The following LRRC4C variants were observed in gnomAD, a reference collection of about 807,000 sequenced individuals.
LRRC4C encodes leucine-rich repeat-containing protein 4C.
LRRC4C carries 5 observed loss-of-function variants against 33.6 expected under a neutral mutation model. That is an observed-to-expected ratio of 0.15 (90% CI 0.08 to 0.31). The LOEUF (loss-of-function observed/expected upper bound fraction) is 0.31. Ranked by LOEUF, LRRC4C falls within the 10% of genes least tolerant of loss-of-function variation. The pLI, the probability that LRRC4C is intolerant of heterozygous loss-of-function variation, is 1.00. For synonymous variants in LRRC4C, 329 were observed against 302.0 expected (o/e 1.09, Z -0.93); for missense variants, 560 against 796.7 (o/e 0.70, Z 3.58).
chr11:40,154,053 A>G (rs1858451294), intron 5 of LRRC4C, among the ~76,000 whole-genome samples: 1 of 152,120 alleles, frequency 6.6e-6, no homozygotes, highest in African/African-American at 2.4e-5. Flanking sequence ...GTAACCTATA[A>G]AGGAAAATCT....
chr11:40,197,424 C>T lies in LRRC4C; in HGVS notation c.-96+44095G>A, dbSNP rs113575766. On this transcript the variant is annotated intron_variant, in intron 5 of 6. Transcript: ENST00000528697. ...GCTGCACATATTAATCTTATTAAAA[C>T]GGTGATTGCATTATATCCTTTTCTT... 9.2e-4 allele frequency among the ~76,000 whole-genome samples: 140 copies of T among 152,282 alleles called. 1 individual carries two copies. The highest frequency in any genetic ancestry group is 3.2e-3 in the African/African-American group (134 of 41,554).
At chr11:41,042,244 G>T (rs1857486011) in intron 1 of LRRC4C, among the ~76,000 whole-genome samples, 1 of 152,224 alleles carries the variant, frequency 6.6e-6, no homozygotes, top group South Asian at 2.1e-4. Context: ...CAATGTTCTT[G>T]TAATCCAATA....
chr11:41,079,566 C>A (rs540110856), intron 1 of LRRC4C, among the ~76,000 whole-genome samples: 7 of 152,080 alleles, frequency 4.6e-5, no homozygotes, highest in Non-Finnish European at 8.8e-5. Context: ...TTCGTAAGTT[C>A]AGAGAAAAGA....
intron 1 of LRRC4C, among the ~76,000 whole-genome samples, chr11:41,413,686 C>T (rs911588420): frequency 6.6e-6 from 1 of 152,090 alleles, no homozygotes; most frequent in Non-Finnish European, 1.5e-5. Context: ...TAACACTGGT[C>T]CAGAAATAAA....
At chr11:40,789,067 T>C (rs1482341148) in intron 2 of LRRC4C, among the ~76,000 whole-genome samples, 1 of 118,250 alleles carries the variant, frequency 8.5e-6, no homozygotes, top group Admixed American at 1.3e-4. Context: ...CGCTCCAGCC[T>C]GGGTGAGAGC....
At chr11:41,352,781 A>G (rs538818609) in intron 1 of LRRC4C, among the ~76,000 whole-genome samples, 13 of 152,316 alleles carry the variant, frequency 8.5e-5, no homozygotes, top group Non-Finnish European at 1.8e-4. Context: ...TTTTGAGTAA[A>G]TAATGAAATT....
chr11:40,268,323 G>C (rs999067107), intron 4 of LRRC4C, among the ~76,000 whole-genome samples: 5 of 152,092 alleles, frequency 3.3e-5, no homozygotes, highest in African/African-American at 1.2e-4. Context: ...AGATACAAGA[G>C]GGTCCTAAGA....
At chr11:40,267,795 G>A (rs936022615) in intron 4 of LRRC4C, among the ~76,000 whole-genome samples, 1 of 152,182 alleles carries the variant, frequency 6.6e-6, no homozygotes, top group African/African-American at 2.4e-5. Context: ...GGGCCTGTAA[G>A]CTGAAAAGAA....
At chr11:41,096,079 T>C (rs1940791624) in intron 1 of LRRC4C, among the ~76,000 whole-genome samples, 1 of 152,098 alleles carries the variant, frequency 6.6e-6, no homozygotes, top group African/African-American at 2.4e-5. Context: ...AAAAATAAGA[T>C]ATAGTATTAA....
intron 1 of LRRC4C, among the ~76,000 whole-genome samples, chr11:40,940,814 A>G (rs549534273): frequency 6.6e-6 from 1 of 152,222 alleles, no homozygotes; most frequent in African/African-American, 2.4e-5. Flanking sequence ...GTTCATATCC[A>G]GTTACTAATT....
chr11:40,633,895 A>C (rs932831280), intron 3 of LRRC4C, among the ~76,000 whole-genome samples: 4 of 152,214 alleles, frequency 2.6e-5, no homozygotes, highest in Admixed American at 2.6e-4. Context: ...ATAAAAATGA[A>C]ATACATATAT....
chr11:41,206,490 A>G (rs1287348516), intron 1 of LRRC4C, among the ~76,000 whole-genome samples: 1 of 152,220 alleles, frequency 6.6e-6, no homozygotes, highest in Non-Finnish European at 1.5e-5. Context: ...GCTCAAAAAA[A>G]TCACCTTGAA....
At chr11:41,211,888 T>A (rs1195335278) in intron 1 of LRRC4C, among the ~76,000 whole-genome samples, 1 of 152,192 alleles carries the variant, frequency 6.6e-6, no homozygotes, top group Non-Finnish European at 1.5e-5. Flanking sequence ...TAGTTCTAGA[T>A]CCCTGAGGAA....
At chr11:41,029,474 T>G (rs1241482167) in intron 1 of LRRC4C, among the ~76,000 whole-genome samples, 2 of 151,798 alleles carry the variant, frequency 1.3e-5, no homozygotes, top group African/African-American at 4.8e-5. Context: ...CATTTTTAGT[T>G]TTAACTTTCT....
At chr11:41,098,014 C>G (rs1940925815) in intron 1 of LRRC4C, among the ~76,000 whole-genome samples, 1 of 152,124 alleles carries the variant, frequency 6.6e-6, no homozygotes, top group African/African-American at 2.4e-5. Flanking sequence ...AATTCCTTCC[C>G]TGTGATCAGC....
chr11:40,878,794 T>C (rs1237040046), intron 2 of LRRC4C, among the ~76,000 whole-genome samples: 2 of 152,226 alleles, frequency 1.3e-5, no homozygotes, highest in African/African-American at 4.8e-5. Flanking sequence ...TCTCTGCCTT[T>C]GGTTTTGAGG....
intron 3 of LRRC4C, among the ~76,000 whole-genome samples, chr11:40,438,182 G>T (rs1951225329): frequency 6.6e-6 from 1 of 152,144 alleles, no homozygotes; most frequent in Non-Finnish European, 1.5e-5. Context: ...CCCACTGCGG[G>T]CCCTTGCACT....
At chr11:40,965,856 T>C (rs1243069166) in intron 1 of LRRC4C, among the ~76,000 whole-genome samples, 3 of 152,092 alleles carry the variant, frequency 2.0e-5, no homozygotes, top group African/African-American at 7.2e-5. Context: ...ATGCGGGCTC[T>C]TTTTTGGTTC....
At chr11:40,633,561 G>A (rs929616191) in intron 3 of LRRC4C, among the ~76,000 whole-genome samples, 1 of 151,556 alleles carries the variant, frequency 6.6e-6, no homozygotes, top group East Asian at 1.9e-4. Context: ...GCTAATTTTT[G>A]TATTTTTAGT....
Sources: gnomAD v4.1 joint callset for allele counts (sites outside exome capture counted in the v4.1 genomes callset) on GRCh38, gnomAD v4.1.1 for gene constraint, MANE v1.5 for transcripts, NCBI Gene and HGNC (gene_info 2026-07-23, HGNC 2026-07-21) for gene names.